The following ZSCAN25 variants were observed in gnomAD, a reference collection of about 807,000 sequenced individuals.
ZSCAN25 encodes the protein zinc finger and SCAN domain-containing protein 25.
ZSCAN25 carries 27 observed loss-of-function variants against 38.7 expected under a neutral mutation model. That is an observed-to-expected ratio of 0.70 (90% CI 0.51 to 0.96). ZSCAN25 has a LOEUF of 0.96. ZSCAN25 is among the 40% of genes least tolerant of loss of function. The pLI is 0.00. For missense variants in ZSCAN25, 637 were observed against 705.9 expected (o/e 0.90, Z 1.11); for synonymous variants, 273 against 277.7 (o/e 0.98, Z 0.17).
the ZSCAN25 span, chr7:99,652,520 C>A: frequency 1.3e-6 from 2 of 1,500,214 alleles, no homozygotes; most frequent in Non-Finnish European, 1.8e-6. Context: ...CAGCCTGGGT[C>A]AGGGTGAGCT....
chr7:99,619,540 T>A, intron 3 of ZSCAN25, 21 bp from the exon 4 acceptor site: 1 of 1,516,962 alleles, frequency 6.6e-7, no homozygotes, highest in Non-Finnish European at 8.9e-7. Flanking sequence ...TGACCTTTCA[T>A]GTGTCTCTTG....
the ZSCAN25 span, among the ~76,000 whole-genome samples, chr7:99,731,889 G>T: frequency 1.3e-5 from 2 of 152,156 alleles, no homozygotes; most frequent in Non-Finnish European, 2.9e-5. Context: ...TGGGGAGGAT[G>T]ATTGACTCAT....
chr7:99,665,209 C>T, the ZSCAN25 span: 1 of 1,613,916 alleles, frequency 6.2e-7, no homozygotes, highest in South Asian at 1.1e-5. Context: ...ATTTTAGGAA[C>T]TTCTTAGTGC....
At chr7:99,693,982 GAAAAC>G in the ZSCAN25 span, among the ~76,000 whole-genome samples, 7 of 152,226 alleles carry the variant, frequency 4.6e-5, no homozygotes, top group African/African-American at 1.7e-4. Flanking sequence ...GGAAAGGAGA[GAAAAC>G]AGAGGAGGTA....
At chr7:99,721,408 T>G in the ZSCAN25 span, among the ~76,000 whole-genome samples, 2 of 152,180 alleles carry the variant, frequency 1.3e-5, no homozygotes, top group Non-Finnish European at 2.9e-5. Flanking sequence ...ATGAAAGAGT[T>G]TTGGCTTTTA....
the ZSCAN25 span, chr7:99,680,151 G>T: frequency 4.4e-6 from 2 of 452,146 alleles, no homozygotes; most frequent in East Asian, 4.1e-5. Flanking sequence ...AGTGTTATCG[G>T]GGAGTCCAAG....
In ZSCAN25 at chr7:99,630,603, A is replaced by G. The variant is rs1258166946; in HGVS notation, c.*583A>G. 4 of 986,086 alleles carry G rather than the reference A, an allele frequency of 4.1e-6. No homozygotes were observed. The African/African-American group carries it at 7.0e-5, about 17-fold the overall frequency. 61.1% of individuals were successfully genotyped at this position (986,086 alleles called of 1,614,324 possible). On this transcript the variant is annotated 3_prime_UTR_variant, in exon 8 of 8. Transcript: ENST00000394152. ...ATCTGTGCTGTGTGCCCGTGAGAAC[A>G]TCTTCCCATGACCACTCCTGCCCTC...
At chr7:99,674,446 A>G in the ZSCAN25 span, 1 of 1,018,442 alleles carries the variant, frequency 9.8e-7, no homozygotes, top group Non-Finnish European at 1.5e-6. Context: ...GCTTCATCCC[A>G]TGAAGACCTG....
the ZSCAN25 span, among the ~76,000 whole-genome samples, chr7:99,656,091 C>T: frequency 6.6e-6 from 1 of 152,192 alleles, no homozygotes. Flanking sequence ...TGCCTGATTG[C>T]CCTGGCCAGA....
At chr7:99,698,591 CAT>C in the ZSCAN25 span, among the ~76,000 whole-genome samples, 1 of 152,064 alleles carries the variant, frequency 6.6e-6, no homozygotes, top group African/African-American at 2.4e-5. Flanking sequence ...TTTAAAAAGA[CAT>C]ATCTTTTTAA....
At chr7:99,665,021 C>T in the ZSCAN25 span, 1 of 826,824 alleles carries the variant, frequency 1.2e-6, no homozygotes, top group Non-Finnish European at 1.8e-6. Context: ...TTTTAGTTTA[C>T]AATAGTAATG....
the ZSCAN25 span, chr7:99,717,648 C>G: frequency 6.8e-6 from 11 of 1,613,046 alleles, no homozygotes; most frequent in Non-Finnish European, 9.3e-6. Context: ...GGCTAGAGTT[C>G]AAAGCAGAAA....
chr7:99,688,874 T>C, the ZSCAN25 span, among the ~76,000 whole-genome samples: 7 of 152,294 alleles, frequency 4.6e-5, no homozygotes, highest in South Asian at 6.2e-4. Context: ...CACTCAAAAC[T>C]GCTCAACTAC....
rs1184529472 is a variant in ZSCAN25, at chr7:99,623,586, G to C, written c.682-471G>C. Among the ~76,000 whole-genome samples, 6 of 152,258 alleles carry C rather than the reference G, an allele frequency of 3.9e-5. No homozygotes were observed. The East Asian group carries it at 1.2e-3, about 29-fold the overall frequency. ...CGTATTTGGGCAAGGCTGGATGCCAGCATCATTTCCCTTTTCCTGTTCTCC... is the reference window on the plus strand; with the variant it reads ...CGTATTTGGGCAAGGCTGGATGCCACCATCATTTCCCTTTTCCTGTTCTCC... On this transcript the variant is annotated intron_variant, in intron 6 of 7. Coordinates refer to ENST00000394152, the MANE Select transcript of ZSCAN25 (RefSeq NM_145115.3).
the ZSCAN25 span, among the ~76,000 whole-genome samples, chr7:99,670,525 A>G: frequency 2.0e-5 from 3 of 152,190 alleles, no homozygotes; most frequent in African/African-American, 7.2e-5. Flanking sequence ...ATTTTGGTAT[A>G]TTTGCAACTC....
At chr7:99,676,074 T>C in the ZSCAN25 span, 1 of 1,568,426 alleles carries the variant, frequency 6.4e-7, no homozygotes, top group Non-Finnish European at 8.8e-7. Context: ...AGCTGATGTT[T>C]GCAACCATAA....
chr7:99,715,648 A>G, the ZSCAN25 span: 2 of 1,562,602 alleles, frequency 1.3e-6, no homozygotes, highest in Non-Finnish European at 1.8e-6. Flanking sequence ...ATGTACTACA[A>G]ACCATTAAAC....
the ZSCAN25 span, chr7:99,660,761 T>C: frequency 7.1e-7 from 1 of 1,416,132 alleles, no homozygotes. Context: ...GAAGAAAAAA[T>C]GGAAAAGCAA....
At chr7:99,622,479 A>G in intron 5 of ZSCAN25, 70 bp from the exon 6 acceptor site, 1 of 1,464,280 alleles carries the variant, frequency 6.8e-7, no homozygotes, top group Admixed American at 1.7e-5. Flanking sequence ...TAGGGGACAC[A>G]TTTGAACGAG....
Sources: allele counts gnomAD v4.1 joint callset (sites outside exome capture counted in the v4.1 genomes callset), GRCh38; gene constraint gnomAD v4.1.1; transcripts MANE v1.5; gene names NCBI Gene and HGNC (gene_info 2026-07-23, HGNC 2026-07-21).